Variants in PSAP observed in about 807,000 individuals in gnomAD.
The protein encoded by PSAP is precursor of saposins.
In PSAP, 25 loss-of-function variants were observed where a neutral mutation model predicts 66.0. That is an observed-to-expected ratio of 0.38 (90% CI 0.28 to 0.53). The LOEUF (loss-of-function observed/expected upper bound fraction) is 0.53. Ranked by LOEUF, PSAP falls within the 20% of genes least tolerant of loss-of-function variation. The pLI is 0.83. For missense variants in PSAP, 649 were observed against 668.8 expected (o/e 0.97, Z 0.33); for synonymous variants, 273 against 258.9 (o/e 1.05, Z -0.52).
rs150679635 is a variant in PSAP at position 71,831,939 on chromosome 10, G to T, written c.175-19C>A. The T allele has an allele frequency of 1.2e-4, 196 of 1,610,084 alleles. No homozygotes were observed. In the Middle Eastern group the frequency reaches 1.8e-3, roughly 15 times the overall value. On this transcript the variant is annotated intron_variant, in intron 2 of 13. Transcript: ENST00000394936. ...GGGATTTCTAAGAGAAAGAATACGA[G>T]AAATTTGTATTTGCAGGACACAAAT...
intron 1 of PSAP, among the ~76,000 whole-genome samples, chr10:71,835,295 A>G (rs1265393481): frequency 6.6e-6 from 1 of 152,112 alleles, no homozygotes; most frequent in Non-Finnish European, 1.5e-5. Context: ...ATAACATAAA[A>G]CAATGGCCAG....
At position 71,829,033 on chromosome 10, in the gene PSAP, A is replaced by G; in HGVS notation, c.420T>C (p.Ser140=). 6.2e-7 allele frequency: 1 copy of G among 1,614,086 alleles called. No individual in the cohort carries two copies. The highest frequency in any genetic ancestry group is 8.5e-7 in the Non-Finnish European group (1 of 1,180,014). ...EVCSALNLCE[S]LQKHLAELNH... is the part of the protein sequence containing the mutation. ...TCAGCTCTGCTAGGTGCTTCTGGAG[A>G]GACTCGCAGAGGTTGAGAGCAGAGC... The change falls in exon 5 of 14, where the codon TCT becomes TCC. Residue 140 remains serine, a synonymous_variant. Coordinates refer to ENST00000394936, the MANE Select transcript of PSAP (RefSeq NM_002778.4).
intron 1 of PSAP, among the ~76,000 whole-genome samples, chr10:71,837,802 C>A (rs570223389): frequency 1.3e-5 from 2 of 152,154 alleles, no homozygotes; most frequent in Non-Finnish European, 2.9e-5. Context: ...AGGCTGGCTA[C>A]GTGGAGAGGG....
chr10:71,830,897 G>A (rs1370658511), intron 4 of PSAP, among the ~76,000 whole-genome samples: 1 of 152,212 alleles, frequency 6.6e-6, no homozygotes, highest in African/African-American at 2.4e-5. Context: ...TCCTTCAGCA[G>A]TCCGACCAGT....
Position 71,828,979 on chromosome 10 carries a change from C to A in PSAP, c.474G>T (p.Lys158Asn). Residue 158 changes from lysine (K) to asparagine (N), a missense_variant, in exon 5 of 14, where the codon AAG becomes AAT. Coordinates refer to ENST00000394936, the MANE Select transcript of PSAP (RefSeq NM_002778.4). ...CCTCAGTCATGTCCAGCTCTGGGAT[C>A]TTATTGGACTCCAGCTGCTTCTGGT... The part of the protein sequence containing the change: ...LNHQKQLESN[K>N]IPELDMTEVV... 6.2e-7 allele frequency: 1 copy of A among 1,614,126 alleles called. No homozygotes were observed. Among genetic ancestry groups the A allele is most frequent in the Non-Finnish European group, 8.5e-7 (1 of 1,180,010 alleles).
intron 1 of PSAP, among the ~76,000 whole-genome samples, chr10:71,834,881 T>C (rs1842591295): frequency 6.6e-6 from 1 of 152,156 alleles, no homozygotes; most frequent in Non-Finnish European, 1.5e-5. Flanking sequence ...CAAATTCAAA[T>C]ACAGGGAAGA....
chr10:71,822,557 C>T (rs113484862), intron 7 of PSAP: 18 of 471,788 alleles, frequency 3.8e-5, no homozygotes, highest in Middle Eastern at 3.3e-4. Context: ...GAAAACCCAA[C>T]CCGCCAAATG....
rs1842277190 is a variant in PSAP at position 71,820,430 on chromosome 10, G to A, written c.910-95C>T. ...GGAAAGGGGACACAGAGACCAGGGT[G>A]GGTTAGCACATCAAGGGCCACTGCC... On this transcript the variant is annotated intron_variant, in intron 8 of 13. Transcript: ENST00000394936. 15 of 1,014,284 alleles carry A rather than the reference G, an allele frequency of 1.5e-5. No individual in the cohort carries two copies. The South Asian group carries it at 1.9e-4, about 13-fold the overall frequency. 62.8% of individuals were successfully genotyped at this position (1,014,284 alleles called of 1,614,324 possible).
intron 5 of PSAP, among the ~76,000 whole-genome samples, chr10:71,828,562 T>G (rs1264185815): frequency 6.6e-6 from 1 of 152,176 alleles, no homozygotes; most frequent in Admixed American, 6.5e-5. Context: ...GGAGGATCAC[T>G]TAAGCCTCAG....
chr10:71,825,900 A>T lies in PSAP; in HGVS notation c.721-7T>A. 1 of 1,611,530 alleles carries T rather than the reference A, an allele frequency of 6.2e-7. No homozygotes were observed. ...GGCTGATATAGTTCTTGCACTGAGG[A>T]GAGAGAAACAGATTGCTAAACAAAT... On this transcript the variant is annotated splice_polypyrimidine_tract_variant and splice_region_variant and intron_variant, in intron 6 of 13. Coordinates refer to ENST00000394936, the MANE Select transcript of PSAP (RefSeq NM_002778.4).
At chr10:71,839,474 G>A (rs567409896) in intron 1 of PSAP, among the ~76,000 whole-genome samples, 130 of 152,106 alleles carry the variant, frequency 8.5e-4, no homozygotes, top group African/African-American at 2.8e-3. Context: ...TCCTGACCTC[G>A]TGATCCACCC....
intron 8 of PSAP, among the ~76,000 whole-genome samples, chr10:71,821,047 C>T (rs1033038981): frequency 2.6e-5 from 4 of 152,130 alleles, no homozygotes; most frequent in Non-Finnish European, 5.9e-5. Context: ...TTTCTCTGGC[C>T]GTCACTTTGG....
intron 2 of PSAP, 88 bp downstream of exon 2, chr10:71,834,284 G>T: frequency 6.3e-7 from 1 of 1,593,296 alleles, no homozygotes; most frequent in Non-Finnish European, 8.5e-7. Context: ...AAGAAAAAGT[G>T]CTCTGTCAAT....
intron 7 of PSAP, chr10:71,822,644 T>G (rs756572128): frequency 4.2e-6 from 2 of 472,114 alleles, no homozygotes; most frequent in Non-Finnish European, 8.8e-6. Flanking sequence ...GAGCACTAGA[T>G]AGTCTAGACA....
chr10:71,831,788 T>A, intron 3 of PSAP, 58 bp downstream of exon 3: 1 of 1,528,764 alleles, frequency 6.5e-7, no homozygotes, highest in East Asian at 2.2e-5. Flanking sequence ...CACAGCTCTC[T>A]TAGGAACCAG....
intron 2 of PSAP, among the ~76,000 whole-genome samples, chr10:71,832,325 AC>A (rs1474903464): frequency 6.6e-6 from 1 of 152,120 alleles, no homozygotes; most frequent in Non-Finnish European, 1.5e-5. Context: ...CCCACACTGA[AC>A]CGTTCACCTG....
intron 6 of PSAP, among the ~76,000 whole-genome samples, chr10:71,826,147 C>T (rs1842396418): frequency 6.6e-6 from 1 of 152,150 alleles, no homozygotes; most frequent in Non-Finnish European, 1.5e-5. Context: ...TTAAAGATTC[C>T]ACCCTCCTGT....
intron 8 of PSAP, among the ~76,000 whole-genome samples, chr10:71,821,522 A>C (rs978115150): frequency 2.0e-5 from 3 of 152,182 alleles, no homozygotes; most frequent in African/African-American, 7.2e-5. Context: ...GGGAACATCC[A>C]GTCTGTCAGG....
intron 13 of PSAP, 44 bp downstream of exon 13, chr10:71,818,573 C>T (rs1842223028): frequency 6.5e-7 from 1 of 1,546,482 alleles, no homozygotes; most frequent in Admixed American, 1.7e-5. Flanking sequence ...ACAGGCTACC[C>T]CAGGGCAAGA....
Sources: allele counts gnomAD v4.1 joint callset (sites outside exome capture counted in the v4.1 genomes callset), GRCh38; gene constraint gnomAD v4.1.1; transcripts MANE v1.5; gene names NCBI Gene and HGNC (gene_info 2026-07-23, HGNC 2026-07-21).